Variants in XPO4 observed in about 807,000 individuals in gnomAD.
XPO4 encodes the protein exportin-4.
A neutral mutation model predicts 143.0 loss-of-function variants in XPO4; 39 were observed. The observed-to-expected ratio is 0.27, with a 90% CI of 0.21 to 0.36. XPO4 has a LOEUF of 0.36. Ranked by LOEUF, XPO4 falls within the 10% of genes least tolerant of loss-of-function variation. The pLI, the probability that XPO4 is intolerant of heterozygous loss-of-function variation, is 1.00. For synonymous variants in XPO4, 439 were observed against 474.0 expected (o/e 0.93, Z 0.96); for missense variants, 907 against 1,348.0 (o/e 0.67, Z 5.12).
intron 1 of XPO4, among the ~76,000 whole-genome samples, chr13:20,879,902 A>G (rs917193481): frequency 1.5e-4 from 23 of 152,232 alleles, no homozygotes; most frequent in African/African-American, 5.5e-4. Context: ...TAAAAAATAC[A>G]AAAAGGACGT....
At chr13:20,890,658 T>A (rs1255892209) in intron 1 of XPO4, among the ~76,000 whole-genome samples, 1 of 150,524 alleles carries the variant, frequency 6.6e-6, no homozygotes, top group African/African-American at 2.4e-5. Context: ...ATTAGCTGGG[T>A]ATGGTTGGTG....
chr13:20,861,777 CTTTTTTTTTTTTTT>C (rs71200306), intron 3 of XPO4, among the ~76,000 whole-genome samples: 6 of 73,444 alleles, frequency 8.2e-5, no homozygotes, highest in Non-Finnish European at 1.5e-4. Context: ...ACATTTCTCT[CTTTTTTTTTTTTTT>C]TTTTTTTTTT....
rs1350616903 is a variant in XPO4 at position 20,836,727 on chromosome 13, T to C, written c.727+6168A>G. On this transcript the variant is annotated intron_variant, in intron 6 of 22. Coordinates refer to ENST00000255305, the MANE Select transcript of XPO4 (RefSeq NM_022459.5). ...CACTGAGTGTACAGCTCAATGGTTT[T>C]AGCATATTCACAGATGTGTGCAACC... Among the ~76,000 whole-genome samples the C allele has an allele frequency of 2.0e-5, 3 of 152,362 alleles. No individual in the cohort carries two copies. The East Asian group carries it at 5.8e-4, about 29-fold the overall frequency.
At chr13:20,885,109 C>G (rs951282799) in intron 1 of XPO4, among the ~76,000 whole-genome samples, 1 of 152,078 alleles carries the variant, frequency 6.6e-6, no homozygotes, top group Non-Finnish European at 1.5e-5. Context: ...TGCGCCACCA[C>G]GCTGGCTAAT....
At chr13:20,878,538 C>A (rs2060376853) in intron 1 of XPO4, among the ~76,000 whole-genome samples, 1 of 152,010 alleles carries the variant, frequency 6.6e-6, no homozygotes. Flanking sequence ...CTAGATAAAC[C>A]CTGAAAATTA....
chr13:20,865,518 CTT>C (rs2060237492), intron 2 of XPO4: 1 of 984,918 alleles, frequency 1.0e-6, no homozygotes, highest in Admixed American at 6.2e-5. Flanking sequence ...TTTTAGGTCA[CTT>C]TAGCAAAATG....
intron 22 of XPO4, among the ~76,000 whole-genome samples, 194 bp downstream of exon 22, chr13:20,786,771 A>C (rs1463402211): frequency 6.6e-6 from 1 of 152,214 alleles, no homozygotes; most frequent in Non-Finnish European, 1.5e-5. Flanking sequence ...TGAACTGACA[A>C]ACAGCTGTCA....
intron 3 of XPO4, among the ~76,000 whole-genome samples, chr13:20,861,297 C>CTT (rs68037393): frequency 0.064 from 8,638 of 134,916 alleles, 806 homozygotes; most frequent in African/African-American, 0.19. Flanking sequence ...TAGTTTTCCT[C>CTT]TTTTTTTTTT....
intron 3 of XPO4, chr13:20,856,273 C>T: frequency 4.2e-6 from 4 of 941,724 alleles, no homozygotes; most frequent in Non-Finnish European, 5.1e-6. Context: ...AGGCAACATA[C>T]TAGCTATCCG....
rs187523400 is a variant in XPO4, at chr13:20,821,731, A to G, written c.1146T>C (p.Phe382=). The G allele has an allele frequency of 5.0e-3, 8,085 of 1,613,392 alleles. 24 individuals are homozygous for G. Among genetic ancestry groups the G allele is most frequent in the Non-Finnish European group, 6.3e-3 (7,461 of 1,179,612 alleles). Reference sequence around the variant, plus strand: ...CTTCTTCCAATGCAGCACTTCGCCCAAAAGAACAAGTGAGGTGTGTGAGGC... The same window carrying G: ...CTTCTTCCAATGCAGCACTTCGCCCGAAAGAACAAGTGAGGTGTGTGAGGC... ...VNCLTHLTCS[F]GRSAALEEVL... The change falls in exon 9 of 23, where the codon TTT becomes TTC. Residue 382 remains phenylalanine, a synonymous_variant. Transcript: ENST00000255305.
chr13:20,815,569 C>T (rs1413198549), intron 9 of XPO4, among the ~76,000 whole-genome samples: 2 of 152,052 alleles, frequency 1.3e-5, no homozygotes, highest in Non-Finnish European at 2.9e-5. Flanking sequence ...AGTTTGTTTT[C>T]CTGTGAACAG....
chr13:20,796,038 TAAC>T, intron 18 of XPO4, 35 bp downstream of exon 18: 1 of 1,554,264 alleles, frequency 6.4e-7, no homozygotes, highest in Non-Finnish European at 8.7e-7. Flanking sequence ...AAAAGGAGGA[TAAC>T]AACAAAGTTT....
intron 4 of XPO4, chr13:20,851,841 G>A: frequency 1.0e-6 from 1 of 985,224 alleles, no homozygotes; most frequent in Non-Finnish European, 1.2e-6. Flanking sequence ...ACTATGAAGA[G>A]AGCAAAATCT....
At chr13:20,865,373 G>C in intron 2 of XPO4, 4 of 710,956 alleles carry the variant, frequency 5.6e-6, no homozygotes, top group Non-Finnish European at 6.9e-6. Context: ...CCAACCTCAA[G>C]TGATCCACCC....
intron 9 of XPO4, among the ~76,000 whole-genome samples, chr13:20,818,801 T>C (rs1199660614): frequency 1.3e-5 from 2 of 152,058 alleles, no homozygotes; most frequent in African/African-American, 2.4e-5. Context: ...TTGTACACTA[T>C]ACACGTCCCC....
At chr13:20,879,550 C>CA (rs1186712536) in intron 1 of XPO4, among the ~76,000 whole-genome samples, 1 of 152,162 alleles carries the variant, frequency 6.6e-6, no homozygotes, top group Admixed American at 6.5e-5. Context: ...TTTTCATAAA[C>CA]ATTTCCAAGA....
chr13:20,787,456 C>T, intron 21 of XPO4, 25 bp downstream of exon 21: 1 of 1,601,900 alleles, frequency 6.2e-7, no homozygotes, highest in Non-Finnish European at 8.6e-7. Flanking sequence ...AGCTGATTTT[C>T]TGACCTACCG....
At chr13:20,867,891 C>T (rs1453751471) in intron 2 of XPO4, among the ~76,000 whole-genome samples, 1 of 152,086 alleles carries the variant, frequency 6.6e-6, no homozygotes, top group African/African-American at 2.4e-5. Context: ...TATAAAATAA[C>T]AATAACCAAT....
At chr13:20,890,506 G>T (rs1183243962) in intron 1 of XPO4, among the ~76,000 whole-genome samples, 1 of 151,438 alleles carries the variant, frequency 6.6e-6, no homozygotes, top group Non-Finnish European at 1.5e-5. Flanking sequence ...GAAGAAATAC[G>T]CAAAGAGCAT....
Sources: gnomAD v4.1 joint callset for allele counts (sites outside exome capture counted in the v4.1 genomes callset) on GRCh38, gnomAD v4.1.1 for gene constraint, MANE v1.5 for transcripts, NCBI Gene and HGNC (gene_info 2026-07-23, HGNC 2026-07-21) for gene names.